PHEX: variants seen among roughly 807,000 people sequenced by gnomAD.
PHEX encodes phosphate-regulating neutral endopeptidase PHEX.
Under a neutral mutation model 68.0 loss-of-function variants are expected in PHEX, and 16 were observed. The ratio of observed to expected loss-of-function variants is 0.24; its 90% CI spans 0.16 to 0.36. The LOEUF (loss-of-function observed/expected upper bound fraction) is 0.36. PHEX is among the 10% of genes least tolerant of loss of function. PHEX has a pLI of 1.00. For missense variants in PHEX, 480 were observed against 575.5 expected, an observed-to-expected ratio of 0.83 and a Z score of 1.70; for synonymous variants, 208 against 205.1, an observed-to-expected ratio of 1.01 and a Z score of -0.12.
chrX:22,148,121 G>T (rs1165353189), intron 12 of PHEX, among the ~76,000 whole-genome samples: 1 of 111,316 alleles, frequency 9.0e-6, no homozygotes, highest in Non-Finnish European at 1.9e-5. Context: ...GCTCAGCTGG[G>T]TGGCTCCTCT....
intron 20 of PHEX, among the ~76,000 whole-genome samples, chrX:22,228,743 T>C (rs1003577849): frequency 1.0e-5 from 1 of 99,375 alleles, no homozygotes; most frequent in African/African-American, 3.7e-5. Flanking sequence ...AAAAAAAAAT[T>C]ATACTTTAAG....
At chrX:22,104,562 A>G (rs977236548) in intron 9 of PHEX, among the ~76,000 whole-genome samples, 4 of 111,856 alleles carry the variant, frequency 3.6e-5, no homozygotes, top group African/African-American at 6.5e-5. Flanking sequence ...GGGGATTTTG[A>G]CACCATGGAA....
chrX:22,251,225 T>C lies in PHEX; in HGVS notation c.*3272T>C, dbSNP rs969371012. The C allele has an allele frequency of 1.8e-5, 2 of 112,771 alleles. No homozygotes were observed. The highest frequency in any genetic ancestry group is 6.4e-5 in the African/African-American group (2 of 31,095). 9.3% of individuals were successfully genotyped at this position (112,771 alleles called of 1,213,427 possible). ...TATGTGTTTTATATCTAAATGGTTA[T>C]TCTGAGACTGGTTGTATTTTCTTCT... is the stretch of plus-strand genomic sequence containing the variant. On this transcript the variant is annotated 3_prime_UTR_variant, in exon 22 of 22. Coordinates refer to ENST00000379374, the MANE Select transcript of PHEX (RefSeq NM_000444.6).
intron 17 of PHEX, 25 bp downstream of exon 17, chrX:22,219,128 C>G: frequency 5.0e-6 from 5 of 990,583 alleles, no homozygotes; most frequent in Non-Finnish European, 7.2e-6. Context: ...ATTTTATAAG[C>G]TGCTGCTTTT....
chrX:22,053,416 T>G (rs190598658), intron 3 of PHEX, among the ~76,000 whole-genome samples: 132 of 111,954 alleles, frequency 1.2e-3, no homozygotes, highest in Non-Finnish European at 1.0e-3. Flanking sequence ...GCAACCTGGC[T>G]TTGTGAATTT....
intron 15 of PHEX, among the ~76,000 whole-genome samples, chrX:22,193,932 CCA>C (rs1156590497): frequency 8.9e-6 from 1 of 112,206 alleles, no homozygotes; most frequent in Non-Finnish European, 1.9e-5. Flanking sequence ...TTAATTTTCA[CCA>C]GTCTAGCGAG....
intron 5 of PHEX, among the ~76,000 whole-genome samples, chrX:22,085,048 T>C (rs1449152189): frequency 9.0e-6 from 1 of 111,341 alleles, no homozygotes; most frequent in Non-Finnish European, 1.9e-5. Flanking sequence ...GTTCTTATTT[T>C]TCTAGTTCCT....
At chrX:22,034,576 C>T (rs1335850671) in intron 1 of PHEX, among the ~76,000 whole-genome samples, 1 of 112,169 alleles carries the variant, frequency 8.9e-6, no homozygotes, top group East Asian at 2.8e-4. Flanking sequence ...AGGAGGCCTG[C>T]ATAAAATATG....
intron 12 of PHEX, chrX:22,163,265 T>A (rs762427693): frequency 8.9e-6 from 1 of 112,099 alleles, no homozygotes; most frequent in South Asian, 3.8e-4. Context: ...CCGAATCTCA[T>A]CCTGTAGCTG....
chrX:22,163,312 TTTGTTGTTGTTG>T (rs752041254), intron 12 of PHEX: 2 of 111,269 alleles, frequency 1.8e-5, no homozygotes, highest in Non-Finnish European at 3.8e-5. Context: ...ACACAGCTAT[TTTGTTGTTGTTG>T]TTGTTGTTGT....
At chrX:22,041,302 T>TATATATATATATATA (rs1569367522) in intron 2 of PHEX, among the ~76,000 whole-genome samples, 1 of 97,668 alleles carries the variant, frequency 1.0e-5, no homozygotes, top group Non-Finnish European at 2.0e-5. Flanking sequence ...TATATATATA[T>TATATATATATATATA]TTTAACCAGG....
chrX:22,219,271 T>G (rs940697657), intron 17 of PHEX, among the ~76,000 whole-genome samples, 168 bp downstream of exon 17: 3 of 112,906 alleles, frequency 2.7e-5, no homozygotes, highest in Non-Finnish European at 5.6e-5. Flanking sequence ...CTGTGATGGC[T>G]TGCAATAAGT....
At chrX:22,063,133 C>T (rs1928449451) in intron 3 of PHEX, among the ~76,000 whole-genome samples, 1 of 111,621 alleles carries the variant, frequency 9.0e-6, no homozygotes, top group South Asian at 3.8e-4. Flanking sequence ...AAACTGTAGC[C>T]TTTGTACATT....
chrX:22,069,752 C>T (rs951047333), intron 3 of PHEX, among the ~76,000 whole-genome samples: 31 of 111,753 alleles, frequency 2.8e-4, no homozygotes, highest in African/African-American at 1.0e-3. Context: ...TTCAGTATGT[C>T]ATACAGATTC....
At chrX:22,214,676 A>G in intron 16 of PHEX, among the ~76,000 whole-genome samples, 1 of 111,928 alleles carries the variant, frequency 8.9e-6, no homozygotes, top group Non-Finnish European at 1.9e-5. Context: ...CTAGGCCAAG[A>G]GGGCTCTAGT....
intron 10 of PHEX, 61 bp downstream of exon 10, chrX:22,111,621 A>C (rs1200150896): frequency 6.1e-6 from 5 of 816,289 alleles, no homozygotes; most frequent in Non-Finnish European, 9.3e-6. Context: ...GGAATAGTCC[A>C]TATATTAACT....
In PHEX at chrX:22,129,825, C is replaced by T. The variant is rs142092129; in HGVS notation, c.1303-3698C>T. On this transcript the variant is annotated intron_variant, in intron 11 of 21. Transcript: ENST00000379374. ...ATATGCATGAAACCCAAACTCCAAA[C>T]CCTCAGACCCTTCCCTTAACCCTAC... Among the ~76,000 whole-genome samples, 121 of 111,630 alleles carry T rather than the reference C, an allele frequency of 1.1e-3. 1 individual carries two copies. Among genetic ancestry groups the T allele is most frequent in the Non-Finnish European group, 1.9e-3 (99 of 53,150 alleles).
At chrX:22,042,489 A>G (rs1927330660) in intron 2 of PHEX, among the ~76,000 whole-genome samples, 1 of 112,472 alleles carries the variant, frequency 8.9e-6, no homozygotes, top group South Asian at 3.7e-4. Context: ...TGAGAATAAA[A>G]GAAAATAATA....
intron 12 of PHEX, among the ~76,000 whole-genome samples, chrX:22,165,148 G>A (rs1167938334): frequency 8.9e-6 from 1 of 112,113 alleles, no homozygotes; most frequent in African/African-American, 3.2e-5. Context: ...AGAACTCGTT[G>A]CCAAGAGCAG....
Sources: gnomAD v4.1 joint callset for allele counts (sites outside exome capture counted in the v4.1 genomes callset) on GRCh38, gnomAD v4.1.1 for gene constraint, MANE v1.5 for transcripts, NCBI Gene and HGNC (gene_info 2026-07-23, HGNC 2026-07-21) for gene names.